Variants in NCAM1 observed in about 807,000 individuals in gnomAD.
NCAM1 encodes the protein neural cell adhesion molecule 1.
In NCAM1, 14 loss-of-function variants were observed where a neutral mutation model predicts 109.8. That is an observed-to-expected ratio of 0.13 (90% CI 0.08 to 0.20). NCAM1 has a LOEUF of 0.20. Ranked by LOEUF, NCAM1 falls within the 10% of genes least tolerant of loss-of-function variation. The pLI, the probability that NCAM1 is intolerant of heterozygous loss-of-function variation, is 1.00. For missense variants in NCAM1, 774 were observed against 1,109.9 expected (o/e 0.70, Z 4.30); for synonymous variants, 418 against 442.9 (o/e 0.94, Z 0.70).
intron 1 of NCAM1, among the ~76,000 whole-genome samples, chr11:113,131,392 A>G (rs1309159320): frequency 6.6e-6 from 1 of 152,182 alleles, no homozygotes; most frequent in Non-Finnish European, 1.5e-5. Context: ...CTGGGCTTCC[A>G]GGACATTTTC....
At chr11:113,144,965 T>A (rs1233638413) in intron 1 of NCAM1, among the ~76,000 whole-genome samples, 1 of 152,236 alleles carries the variant, frequency 6.6e-6, no homozygotes, top group Non-Finnish European at 1.5e-5. Context: ...CATTATGTTA[T>A]GTCAGTCATC....
In NCAM1 at chr11:113,051,340, A is replaced by G. The variant is rs572016885; in HGVS notation, c.52+89676A>G. On this transcript the variant is annotated intron_variant, in intron 1 of 19. Transcript: ENST00000316851. ...GGGAGAGTTTCTTTTTTCCCCCAAC[A>G]TGACTTTTTAAGCAACACCATCACT... 4.6e-5 allele frequency among the ~76,000 whole-genome samples: 7 copies of G among 152,298 alleles called. No individual in the cohort carries two copies. In the East Asian group the frequency reaches 9.6e-4, roughly 21 times the overall value.
At chr11:113,180,120 C>T (rs1015299323) in intron 1 of NCAM1, among the ~76,000 whole-genome samples, 7 of 152,174 alleles carry the variant, frequency 4.6e-5, no homozygotes, top group African/African-American at 9.7e-5. Context: ...GATTTGTGGA[C>T]GACTGACTGG....
intron 14 of NCAM1, among the ~76,000 whole-genome samples, chr11:113,235,806 G>T (rs11214546): frequency 0.055 from 8,401 of 152,122 alleles, 241 homozygotes; most frequent in Admixed American, 0.096. Flanking sequence ...GGTTTTCCTC[G>T]GCCATTCCCT....
At position 112,961,669 on chromosome 11, in the gene NCAM1, A is replaced by ATT. The variant is rs782014579; in HGVS notation, c.52+18_52+19dup. On this transcript the variant is annotated splice_donor_region_variant and intron_variant, in intron 1 of 19. Coordinates refer to ENST00000316851, the MANE Select transcript of NCAM1 (RefSeq NM_181351.5). ...TGTTTTTCCTGGGAACTGCAGGTAC[A>ATT]TTTTTTTTTTTTTTAATTCTCAATC... The ATT allele has an allele frequency of 3.0e-4, 364 of 1,209,286 alleles. No homozygotes were observed. The highest frequency in any genetic ancestry group is 6.1e-4 in the African/African-American group (38 of 62,506). The allele number at this position is 1,209,286 out of a possible 1,614,324, so 74.9% of individuals were successfully genotyped here.
At chr11:113,121,723 G>A (rs1555096101) in intron 1 of NCAM1, among the ~76,000 whole-genome samples, 1 of 152,028 alleles carries the variant, frequency 6.6e-6, no homozygotes, top group East Asian at 1.9e-4. Flanking sequence ...TCCTTCTCCA[G>A]GAAAATAGAA....
chr11:113,043,529 G>GT (rs1953151809), intron 1 of NCAM1, among the ~76,000 whole-genome samples: 1 of 152,052 alleles, frequency 6.6e-6, no homozygotes, highest in South Asian at 2.1e-4. Context: ...TAGAGACAGG[G>GT]TTTCACCATG....
At chr11:113,113,707 A>G (rs2135972998) in intron 1 of NCAM1, among the ~76,000 whole-genome samples, 2 of 152,314 alleles carry the variant, frequency 1.3e-5, no homozygotes, top group Middle Eastern at 6.8e-3. Flanking sequence ...TTTACTTTCC[A>G]AAGCTTCATT....
chr11:113,019,994 C>T lies in NCAM1; in HGVS notation c.52+58330C>T, dbSNP rs190843976. ...ATGGCATCTGTTGCTTCACATTTCA[C>T]TTCCCATTCTGTGATTATAAAGAGG... is the stretch of plus-strand genomic sequence containing the variant. On this transcript the variant is annotated intron_variant, in intron 1 of 19. Transcript: ENST00000316851. Among the ~76,000 whole-genome samples the T allele has an allele frequency of 1.6e-3, 244 of 152,298 alleles. 1 individual carries two copies. Among genetic ancestry groups the T allele is most frequent in the Non-Finnish European group, 2.6e-3 (178 of 68,018 alleles).
intron 1 of NCAM1, among the ~76,000 whole-genome samples, chr11:113,073,362 A>G (rs1174175979): frequency 5.3e-5 from 8 of 152,220 alleles, no homozygotes; most frequent in African/African-American, 1.9e-4. Flanking sequence ...TGTTAACCAA[A>G]CTAAAGAGGG....
intron 1 of NCAM1, among the ~76,000 whole-genome samples, chr11:113,092,418 A>T (rs892691920): frequency 3.3e-5 from 5 of 152,098 alleles, no homozygotes; most frequent in Admixed American, 2.0e-4. Context: ...TAATTGAATC[A>T]TTGCAACAAC....
intron 1 of NCAM1, among the ~76,000 whole-genome samples, chr11:113,200,989 A>G (rs535047965): frequency 6.6e-6 from 1 of 152,258 alleles, no homozygotes; most frequent in Non-Finnish European, 1.5e-5. Flanking sequence ...TGATTTTCAC[A>G]GATGACAGCG....
chr11:113,037,398 A>G (rs146782581), intron 1 of NCAM1, among the ~76,000 whole-genome samples: 31 of 152,192 alleles, frequency 2.0e-4, no homozygotes, highest in East Asian at 1.7e-3. Flanking sequence ...CAAGGCTGAA[A>G]TTGCCATTGT....
chr11:113,183,265 C>T (rs1452811134), intron 1 of NCAM1, among the ~76,000 whole-genome samples: 1 of 152,148 alleles, frequency 6.6e-6, no homozygotes, highest in Non-Finnish European at 1.5e-5. Context: ...CCACAGAACC[C>T]AGGAGGACGT....
chr11:113,108,278 T>G (rs1555092944), intron 1 of NCAM1, among the ~76,000 whole-genome samples: 2 of 152,208 alleles, frequency 1.3e-5, no homozygotes, highest in African/African-American at 4.8e-5. Context: ...AAGCCACACA[T>G]CAGGAAATCA....
intron 1 of NCAM1, among the ~76,000 whole-genome samples, chr11:112,988,272 T>C (rs1951363107): frequency 6.6e-6 from 1 of 152,232 alleles, no homozygotes; most frequent in South Asian, 2.1e-4. Flanking sequence ...ATGATTATTT[T>C]TAATAGTTTT....
intron 1 of NCAM1, among the ~76,000 whole-genome samples, chr11:113,052,498 G>A (rs1953541298): frequency 6.6e-6 from 1 of 151,506 alleles, no homozygotes; most frequent in South Asian, 2.1e-4. Flanking sequence ...TGGGACTCAA[G>A]GTAAATGGGG....
intron 2 of NCAM1, 115 bp from the exon 3 acceptor site, chr11:113,204,171 A>T (rs1944161939): frequency 2.4e-6 from 2 of 840,804 alleles, no homozygotes; most frequent in African/African-American, 1.7e-5. Flanking sequence ...CCTGATGTTC[A>T]AGCCTTGACT....
intron 15 of NCAM1, among the ~76,000 whole-genome samples, chr11:113,248,399 A>G (rs551696253): frequency 4.6e-5 from 7 of 152,176 alleles, no homozygotes; most frequent in Non-Finnish European, 8.8e-5. Context: ...GTCCTTTAAC[A>G]ATAAAATTTA....
Sources: gnomAD v4.1 joint callset for allele counts (sites outside exome capture counted in the v4.1 genomes callset) on GRCh38, gnomAD v4.1.1 for gene constraint, MANE v1.5 for transcripts, NCBI Gene and HGNC (gene_info 2026-07-23, HGNC 2026-07-21) for gene names.